BLNK: variants seen among roughly 807,000 people sequenced by gnomAD.
BLNK encodes B-cell linker protein.
Under a neutral mutation model 73.5 loss-of-function variants are expected in BLNK, and 29 were observed. The ratio of observed to expected loss-of-function variants is 0.39; its 90% CI spans 0.29 to 0.54. The LOEUF (loss-of-function observed/expected upper bound fraction) is 0.54. BLNK is among the 20% of genes least tolerant of loss of function. The probability of loss-of-function intolerance (pLI) is 0.61; values close to 1 mark genes in which losing one functional copy is unlikely to be tolerated. For missense variants in BLNK, 460 were observed against 562.8 expected, an observed-to-expected ratio of 0.82 and a Z score of 1.85; for synonymous variants, 176 against 200.8, an observed-to-expected ratio of 0.88 and a Z score of 1.04.
At chr10:96,253,903 C>T (rs1291724697) in intron 1 of BLNK, among the ~76,000 whole-genome samples, 1 of 151,998 alleles carries the variant, frequency 6.6e-6, no homozygotes, top group Admixed American at 6.5e-5. Context: ...CGCCTGTAGT[C>T]CCAGCTACTC....
rs1591298659 is a variant in BLNK, at chr10:96,200,900, C to T, written c.1011+82G>A. On this transcript the variant is annotated intron_variant, in intron 14 of 16. Coordinates refer to ENST00000224337, the MANE Select transcript of BLNK (RefSeq NM_013314.4). The surrounding 1 kb of genome is among the most constrained non-coding windows in gnomAD (Gnocchi z 4.3). ...CAGTCTCTGTTCTCAAGGTTCACTC[C>T]AAATGTCTTCTTCTCAGAAGACATG... is the stretch of plus-strand genomic sequence containing the variant. 2.4e-6 allele frequency: 3 copies of T among 1,274,344 alleles called. 1 individual carries two copies. In the East Asian group the frequency reaches 6.9e-5, roughly 29 times the overall value. 78.9% of individuals were successfully genotyped at this position (1,274,344 alleles called of 1,614,324 possible). A position where few individuals can be genotyped will look rare whatever the true frequency, so the allele number is the denominator to read the frequency against.
intron 1 of BLNK, among the ~76,000 whole-genome samples, chr10:96,266,793 A>G (rs1305875890): frequency 6.6e-6 from 1 of 152,218 alleles, no homozygotes; most frequent in East Asian, 1.9e-4. Context: ...GGAACCACAA[A>G]TATGAAGAGC....
chr10:96,243,158 T>C (rs1354010760), intron 2 of BLNK, among the ~76,000 whole-genome samples: 1 of 152,188 alleles, frequency 6.6e-6, no homozygotes, highest in Non-Finnish European at 1.5e-5. Context: ...ATGGACTATA[T>C]TTTAATGACT....
rs1238481628 is a variant in BLNK, at chr10:96,196,835, A to G, written c.1251+73T>C. 6 of 1,444,794 alleles carry G rather than the reference A, an allele frequency of 4.2e-6. No homozygotes were observed. The African/African-American group carries it at 7.0e-5, about 17-fold the overall frequency. 89.5% of individuals were successfully genotyped at this position (1,444,794 alleles called of 1,614,324 possible). A position where few individuals can be genotyped will look rare whatever the true frequency, so the allele number is the denominator to read the frequency against. On this transcript the variant is annotated intron_variant, in intron 16 of 16. Coordinates refer to ENST00000224337, the MANE Select transcript of BLNK (RefSeq NM_013314.4). ...TGTATCCTTTCTCCTCATCTCTAGC[A>G]TCTAATACAGTATTTGATGTCATTA...
intron 8 of BLNK, among the ~76,000 whole-genome samples, chr10:96,214,639 T>A (rs1187590587): frequency 2.0e-5 from 3 of 151,202 alleles, no homozygotes; most frequent in Admixed American, 6.6e-5. Context: ...GAGGAGTGAG[T>A]TTAGAGTCCT....
Position 96,265,065 on chromosome 10 carries a change from C to T in BLNK, c.47+6287G>A, listed in dbSNP as rs145200947. Among the ~76,000 whole-genome samples the T allele has an allele frequency of 3.6e-3, 555 of 152,176 alleles. 3 individuals carry two copies. Among genetic ancestry groups the T allele is most frequent in the African/African-American group, 0.013 (529 of 41,528 alleles). Reference sequence around the variant, plus strand: ...CAGCCTCAACCTCCTGGGCGATCCTCCCATTTCAGCCTCCTAAGTAGCTGG... The same window carrying T: ...CAGCCTCAACCTCCTGGGCGATCCTTCCATTTCAGCCTCCTAAGTAGCTGG... On this transcript the variant is annotated intron_variant, in intron 1 of 16. Transcript: ENST00000224337.
At chr10:96,208,883 A>T (rs1554898034) in intron 9 of BLNK, among the ~76,000 whole-genome samples, 1 of 152,192 alleles carries the variant, frequency 6.6e-6, no homozygotes, top group Non-Finnish European at 1.5e-5. Context: ...CTGAACTAAG[A>T]GAGACGTATG....
intron 9 of BLNK, 44 bp downstream of exon 9, chr10:96,209,794 C>T (rs782284043): frequency 1.2e-6 from 2 of 1,610,958 alleles, no homozygotes; most frequent in Non-Finnish European, 1.7e-6. Flanking sequence ...TCACCATCCT[C>T]ACTCCCCAGA....
At chr10:96,266,300 G>A (rs1328232308) in intron 1 of BLNK, among the ~76,000 whole-genome samples, 1 of 152,174 alleles carries the variant, frequency 6.6e-6, no homozygotes, top group African/African-American at 2.4e-5. Context: ...CTGTGATTTG[G>A]TCCTTGGAAA....
Position 96,200,075 on chromosome 10 carries a change from C to T in BLNK, c.1095G>A (p.Lys365=). ...SAEEALHRSN[K]DGSFLIRKSS... ...TAATAAATAATAAAAATGATCAGAC[C>T]TTGTTTGATCTGTGCAATGCCTCTT... Residue 365 remains lysine, a splice_region_variant and synonymous_variant, in exon 15 of 17, where the codon AAG becomes AAA. Coordinates refer to ENST00000224337, the MANE Select transcript of BLNK (RefSeq NM_013314.4). This position sits in a 1 kb window ranked among gnomAD's most constrained non-coding sequence, Gnocchi z 4.3. The T allele has an allele frequency of 6.3e-7, 1 of 1,586,286 alleles. No homozygotes were observed. The highest frequency in any genetic ancestry group is 1.2e-5 in the South Asian group (1 of 85,954).
At chr10:96,261,715 A>G (rs1843763498) in intron 1 of BLNK, among the ~76,000 whole-genome samples, 1 of 152,144 alleles carries the variant, frequency 6.6e-6, no homozygotes, top group Admixed American at 6.5e-5. Context: ...CAATGATTTT[A>G]TATTACATTT....
intron 3 of BLNK, among the ~76,000 whole-genome samples, chr10:96,239,511 A>G (rs938773909): frequency 5.9e-5 from 9 of 152,146 alleles, no homozygotes; most frequent in Admixed American, 2.6e-4. Flanking sequence ...TTTCAGAACA[A>G]TTTTCTGGTG....
chr10:96,196,078 TG>T, intron 16 of BLNK, among the ~76,000 whole-genome samples: 1 of 152,350 alleles, frequency 6.6e-6, no homozygotes, highest in East Asian at 1.9e-4. Flanking sequence ...TAGCAGGTGC[TG>T]GGTTTGGAAT....
At chr10:96,227,935 T>C (rs1460905599) in intron 4 of BLNK, among the ~76,000 whole-genome samples, 4 of 150,256 alleles carry the variant, frequency 2.7e-5, no homozygotes, top group African/African-American at 9.8e-5. Context: ...TTATGAATGC[T>C]GATCACTGAA....
Position 96,191,790 on chromosome 10 carries a change from A to G in BLNK, c.*183T>C. On this transcript the variant is annotated 3_prime_UTR_variant, in exon 17 of 17. Coordinates refer to ENST00000224337, the MANE Select transcript of BLNK (RefSeq NM_013314.4). The stretch of plus-strand genomic sequence containing the variant: ...TATTAACAGTTCATCAGGTCAGGCA[A>G]TAGAACAAGTCCACATGAGCTTCTT... 1.4e-6 allele frequency: 1 copy of G among 705,536 alleles called. No individual in the cohort carries two copies. Among genetic ancestry groups the G allele is most frequent in the Admixed American group, 2.5e-5 (1 of 39,718 alleles). 43.7% of individuals were successfully genotyped at this position (705,536 alleles called of 1,614,324 possible).
chr10:96,222,977 A>G (rs2084233570), intron 6 of BLNK, among the ~76,000 whole-genome samples: 1 of 152,124 alleles, frequency 6.6e-6, no homozygotes. Context: ...GGTTACAGCC[A>G]GCGCCAGGGA....
intron 1 of BLNK, among the ~76,000 whole-genome samples, chr10:96,267,479 T>C (rs1049723691): frequency 6.6e-6 from 1 of 152,042 alleles, no homozygotes; most frequent in African/African-American, 2.4e-5. Flanking sequence ...GAAGGTGAAT[T>C]TGTTTCTGAA....
intron 7 of BLNK, chr10:96,215,955 G>A (rs1028918519): frequency 4.3e-5 from 7 of 161,808 alleles, no homozygotes; most frequent in East Asian, 1.8e-4. Flanking sequence ...TGATAGGTAC[G>A]GAGTACGGGA....
intron 1 of BLNK, among the ~76,000 whole-genome samples, chr10:96,256,268 T>A (rs185718492): frequency 6.6e-6 from 1 of 152,300 alleles, no homozygotes; most frequent in African/African-American, 2.4e-5. Context: ...CAATTTGGAG[T>A]AGAAATCTCT....
Sources: allele counts gnomAD v4.1 joint callset (sites outside exome capture counted in the v4.1 genomes callset), GRCh38; gene constraint gnomAD v4.1.1; non-coding constraint Gnocchi (gnomAD v3.1); transcripts MANE v1.5; gene names NCBI Gene and HGNC (gene_info 2026-07-23, HGNC 2026-07-21).